The following ZMYND8 variants were observed in gnomAD, a reference collection of about 807,000 sequenced individuals.
The protein encoded by ZMYND8 is MYND-type zinc finger-containing chromatin reader ZMYND8.
A neutral mutation model predicts 140.8 loss-of-function variants in ZMYND8; 37 were observed. The ratio of observed to expected loss-of-function variants is 0.26; its 90% CI spans 0.20 to 0.35. ZMYND8 has a LOEUF of 0.35. Ranked by LOEUF, ZMYND8 falls within the 10% of genes least tolerant of loss-of-function variation. ZMYND8 has a pLI of 1.00. For synonymous variants in ZMYND8, 592 were observed against 597.1 expected, an observed-to-expected ratio of 0.99 and a Z score of 0.12; for missense variants, 1,068 against 1,570.0, an observed-to-expected ratio of 0.68 and a Z score of 5.40.
intron 1 of ZMYND8, chr20:47,352,511 G>T: frequency 2.0e-6 from 2 of 985,418 alleles, no homozygotes; most frequent in Non-Finnish European, 2.4e-6. Flanking sequence ...CCCCAACAGA[G>T]CCTGAGAATT....
chr20:47,218,384 T>C (rs1008025465), intron 21 of ZMYND8, among the ~76,000 whole-genome samples: 1 of 152,232 alleles, frequency 6.6e-6, no homozygotes, highest in Non-Finnish European at 1.5e-5. Flanking sequence ...CTCACACCAC[T>C]TGTGCCATTT....
chr20:47,301,234 AACCTCTGCCT>A (rs1305523889), intron 3 of ZMYND8, among the ~76,000 whole-genome samples: 1 of 149,552 alleles, frequency 6.7e-6, no homozygotes. Context: ...GGCTCACTGC[AACCTCTGCCT>A]CCCAGGTTCA....
At position 47,210,887 on chromosome 20, in the gene ZMYND8, C is replaced by A. The variant is rs753357421; in HGVS notation, c.3579G>T (p.Arg1193=). ...TGCTGCTCCAACTGGATTTATTACT[C>A]CGGGAATGGTCTGAGGGGGAAAACC... ...PNYPAQKYHS[R]SNKSSWSSSD... Residue 1193 remains arginine (R), a synonymous_variant, in exon 23 of 23, where the codon CGG becomes CGT. Transcript: ENST00000471951. 2 of 1,613,926 alleles carry A rather than the reference C, an allele frequency of 1.2e-6. No homozygotes were observed. Among genetic ancestry groups the A allele is most frequent in the Non-Finnish European group, 1.7e-6 (2 of 1,179,870 alleles).
rs769763992 is a variant in ZMYND8, at chr20:47,262,358, T to C, written c.1551A>G (p.Gln517=). The change falls in exon 12 of 23, where the codon CAA becomes CAG. Residue 517 remains glutamine, a synonymous_variant. Transcript: ENST00000471951. ...LSGSPKPFSP[Q]LSAPITTKTD... is the part of the protein sequence containing the mutation. The stretch of plus-strand genomic sequence containing the variant: ...TTTTCGTCGTGATAGGAGCTGACAG[T>C]TGAGGAGAGAAGGGCTTTGGGCTGC... 8.1e-6 allele frequency: 13 copies of C among 1,613,784 alleles called. No homozygotes were observed. The highest frequency in any genetic ancestry group is 1.1e-5 in the South Asian group (1 of 91,054).
chr20:47,345,957 C>T (rs2082299633), intron 2 of ZMYND8, among the ~76,000 whole-genome samples: 1 of 152,086 alleles, frequency 6.6e-6, no homozygotes, highest in African/African-American at 2.4e-5. Flanking sequence ...TGTGCCTGAC[C>T]CCAATCCACG....
chr20:47,273,436 C>T (rs1297160779), intron 11 of ZMYND8, among the ~76,000 whole-genome samples: 1 of 152,160 alleles, frequency 6.6e-6, no homozygotes, highest in Non-Finnish European at 1.5e-5. Flanking sequence ...ATTCCAGCTA[C>T]TCAGGAGGCT....
chr20:47,213,865 T>C (rs2035658938), intron 21 of ZMYND8, among the ~76,000 whole-genome samples: 1 of 152,248 alleles, frequency 6.6e-6, no homozygotes, highest in South Asian at 2.1e-4. Flanking sequence ...GTACATTATT[T>C]ATTAGTAAGG....
chr20:47,225,138 G>A (rs1255681878), intron 18 of ZMYND8, among the ~76,000 whole-genome samples: 3 of 152,078 alleles, frequency 2.0e-5, no homozygotes, highest in Non-Finnish European at 2.9e-5. Context: ...GATCCAGATG[G>A]GACTGTGGTT....
At position 47,291,905 on chromosome 20, in the gene ZMYND8, A is replaced by G; in HGVS notation, c.568-17T>C. 2 of 1,603,922 alleles carry G rather than the reference A, an allele frequency of 1.2e-6. No homozygotes were observed. Among genetic ancestry groups the G allele is most frequent in the Middle Eastern group, 1.7e-4 (1 of 5,732 alleles). ...TGCATCTGTCTATAAAAGAGAAGATATGCAGAGGAACGAACCCATCATTAC... is the reference window on the plus strand; with the variant it reads ...TGCATCTGTCTATAAAAGAGAAGATGTGCAGAGGAACGAACCCATCATTAC... On this transcript the variant is annotated splice_polypyrimidine_tract_variant and intron_variant, in intron 5 of 22. Transcript: ENST00000471951.
At chr20:47,229,827 C>T in intron 16 of ZMYND8, 21 bp from the exon 17 acceptor site, 1 of 1,594,558 alleles carries the variant, frequency 6.3e-7, no homozygotes. Flanking sequence ...AAAACAGAAA[C>T]AATTCAGCTG....
chr20:47,311,906 C>A (rs964862484), intron 2 of ZMYND8, among the ~76,000 whole-genome samples: 2 of 152,112 alleles, frequency 1.3e-5, no homozygotes, highest in African/African-American at 4.8e-5. Context: ...CACAGGTACA[C>A]TTCCACTACC....
chr20:47,345,746 C>A (rs917519072), intron 2 of ZMYND8, among the ~76,000 whole-genome samples: 3 of 148,468 alleles, frequency 2.0e-5, no homozygotes, highest in African/African-American at 7.4e-5. Flanking sequence ...TGAGCTCAGA[C>A]AATCCACCCG....
chr20:47,247,146 T>G (rs1039333980), intron 13 of ZMYND8, among the ~76,000 whole-genome samples: 1 of 152,242 alleles, frequency 6.6e-6, no homozygotes, highest in African/African-American at 2.4e-5. Context: ...CAGGGTATCT[T>G]GTCTGCTTTT....
At chr20:47,333,320 A>G (rs2081104406) in intron 2 of ZMYND8, among the ~76,000 whole-genome samples, 1 of 151,638 alleles carries the variant, frequency 6.6e-6, no homozygotes, top group African/African-American at 2.4e-5. Context: ...CCTGGGCAAC[A>G]TCGTGAGACC....
Position 47,316,806 on chromosome 20 carries a change from AAAAG to A in ZMYND8, c.86-6606_86-6603del, listed in dbSNP as rs528566010. 1.9e-3 allele frequency among the ~76,000 whole-genome samples: 284 copies of A among 152,142 alleles called. 2 individuals carry two copies. The highest frequency in any genetic ancestry group is 6.8e-3 in the Middle Eastern group (2 of 294). ...CAAGACTCGCTCTCAAAAAAAAAAA[AAAAG>A]AAAGAAAGCTAAGAGTTTCTTTTAT... On this transcript the variant is annotated intron_variant, in intron 2 of 22. Coordinates refer to ENST00000471951, the MANE Select transcript of ZMYND8 (RefSeq NM_001281775.3).
chr20:47,309,630 G>A (rs943319505), intron 3 of ZMYND8, among the ~76,000 whole-genome samples: 12 of 152,186 alleles, frequency 7.9e-5, no homozygotes, highest in Admixed American at 3.3e-4. Context: ...TTTTACAGAT[G>A]AGAAAACTGA....
Position 47,240,534 on chromosome 20 carries a change from T to A in ZMYND8, c.2285-1396A>T, listed in dbSNP as rs759651157. On this transcript the variant is annotated intron_variant, in intron 14 of 22. Coordinates refer to ENST00000471951, the MANE Select transcript of ZMYND8 (RefSeq NM_001281775.3). ...GTCTCAAAATAATAATAATAATAAA[T>A]GAAAAGTAAATAAAATGAGTTTATT... is the stretch of plus-strand genomic sequence containing the variant. Among the ~76,000 whole-genome samples, 83 of 151,662 alleles carry A rather than the reference T, an allele frequency of 5.5e-4. 1 individual carries two copies. The highest frequency in any genetic ancestry group is 1.9e-3 in the Admixed American group (29 of 15,250).
At chr20:47,286,036 T>A (rs73304059) in intron 8 of ZMYND8, among the ~76,000 whole-genome samples, 9,186 of 151,630 alleles carry the variant, frequency 0.061, 765 homozygotes, top group African/African-American at 0.19. Context: ...ACAAAAAAAA[T>A]AATAATAATT....
At chr20:47,262,232 T>G (rs754115694) in intron 12 of ZMYND8, 56 bp downstream of exon 12, 16 of 1,612,226 alleles carry the variant, frequency 9.9e-6, no homozygotes, top group Non-Finnish European at 1.2e-5. Context: ...GGATACGTCA[T>G]TTGCAAAAAT....
Sources: gnomAD v4.1 joint callset for allele counts (sites outside exome capture counted in the v4.1 genomes callset) on GRCh38, gnomAD v4.1.1 for gene constraint, MANE v1.5 for transcripts, NCBI Gene and HGNC (gene_info 2026-07-23, HGNC 2026-07-21) for gene names.